Variants in DAB1 observed in about 807,000 individuals in gnomAD.
DAB1 encodes the protein disabled homolog 1.
Under a neutral mutation model 64.6 loss-of-function variants are expected in DAB1, and 15 were observed. That is an observed-to-expected ratio of 0.23 (90% CI 0.16 to 0.36). The LOEUF (loss-of-function observed/expected upper bound fraction) is 0.36, where lower values mean the gene tolerates loss of function less well. Ranked by LOEUF, DAB1 falls within the 10% of genes least tolerant of loss-of-function variation. The pLI, the probability that DAB1 is intolerant of heterozygous loss-of-function variation, is 1.00. For missense variants in DAB1, 596 were observed against 706.7 expected (o/e 0.84, Z 1.78); for synonymous variants, 235 against 251.9 (o/e 0.93, Z 0.64).
In DAB1 at chr1:57,803,995, G is replaced by C. The variant is rs542049555; in HGVS notation, n.551+80004C>G. On this transcript the variant is annotated intron_variant and non_coding_transcript_variant, in intron 6 of 20. Coordinates refer to the DAB1 transcript ENST00000485760. ...GTGATTGTTGTTCTATGTTTCAGCT[G>C]CAAATATATGAGCTGAGTCAAAATG... Among the ~76,000 whole-genome samples the C allele has an allele frequency of 3.9e-5, 6 of 152,322 alleles. No homozygotes were observed. In the South Asian group the frequency reaches 1.2e-3, roughly 32 times the overall value.
At chr1:58,169,089 G>A (rs1282477164) in intron 4 of DAB1, among the ~76,000 whole-genome samples, 2 of 152,190 alleles carry the variant, frequency 1.3e-5, no homozygotes, top group Admixed American at 6.5e-5. Flanking sequence ...TGATCAGCAG[G>A]GTCCAGCAAC....
intron 3 of DAB1, among the ~76,000 whole-genome samples, chr1:58,497,812 G>C (rs1376585031): frequency 3.3e-5 from 5 of 152,086 alleles, no homozygotes; most frequent in Admixed American, 3.3e-4. Context: ...TCTCTACAAC[G>C]TGGCGGCTTT....
intron 11 of DAB1, among the ~76,000 whole-genome samples, chr1:57,018,141 T>C (rs1373953723): frequency 6.6e-6 from 1 of 152,246 alleles, no homozygotes; most frequent in African/African-American, 2.4e-5. Flanking sequence ...TTGATTTTAA[T>C]GCATTTAATT....
At chr1:57,801,991 G>A (rs1245397790) in intron 6 of DAB1, among the ~76,000 whole-genome samples, 4 of 152,174 alleles carry the variant, frequency 2.6e-5, no homozygotes, top group African/African-American at 4.8e-5. Flanking sequence ...CCAGTCACAG[G>A]TAGAGACTAT....
At chr1:57,652,365 A>G (rs1403017781) in intron 6 of DAB1, among the ~76,000 whole-genome samples, 1 of 152,142 alleles carries the variant, frequency 6.6e-6, no homozygotes, top group African/African-American at 2.4e-5. Context: ...CCATTGCTCT[A>G]TCCACTCCCA....
At chr1:57,329,232 C>A (rs753298152) in intron 1 of DAB1, among the ~76,000 whole-genome samples, 1 of 152,118 alleles carries the variant, frequency 6.6e-6, no homozygotes, top group Non-Finnish European at 1.5e-5. Context: ...TAATTAGTGC[C>A]GCAAGAGGAG....
intron 3 of DAB1, among the ~76,000 whole-genome samples, chr1:58,402,931 A>G (rs1644584997): frequency 6.6e-6 from 1 of 152,184 alleles, no homozygotes; most frequent in Admixed American, 6.5e-5. Flanking sequence ...GACAAGCTAC[A>G]AGCTGCCTGG....
intron 4 of DAB1, among the ~76,000 whole-genome samples, chr1:57,074,810 A>G (rs1651833330): frequency 6.6e-6 from 1 of 152,226 alleles, no homozygotes; most frequent in East Asian, 1.9e-4. Flanking sequence ...ATAAGTTGGC[A>G]GAGAAGGACA....
intron 9 of DAB1, among the ~76,000 whole-genome samples, chr1:57,053,854 A>C (rs1041764078): frequency 6.6e-6 from 1 of 150,742 alleles, no homozygotes; most frequent in Non-Finnish European, 1.5e-5. Flanking sequence ...CACCTGGCTA[A>C]TTTTTGTATT....
chr1:58,452,433 T>C (rs1645147935), intron 3 of DAB1, among the ~76,000 whole-genome samples: 2 of 151,636 alleles, frequency 1.3e-5, no homozygotes, highest in Non-Finnish European at 2.9e-5. Context: ...ATGTTCACGA[T>C]GATGTGGGCC....
chr1:57,997,233 G>A (rs959526694), intron 5 of DAB1, among the ~76,000 whole-genome samples: 6 of 152,154 alleles, frequency 3.9e-5, no homozygotes, highest in Admixed American at 3.9e-4. Flanking sequence ...CGACTGGTAA[G>A]GGAAGAAAGC....
chr1:58,476,516 G>A (rs996365624), intron 3 of DAB1, among the ~76,000 whole-genome samples: 3 of 152,148 alleles, frequency 2.0e-5, no homozygotes, highest in African/African-American at 4.8e-5. Context: ...GGCTGGGAGC[G>A]AGCCACTGGC....
intron 7 of DAB1, among the ~76,000 whole-genome samples, chr1:57,502,705 G>A (rs1377492860): frequency 6.6e-6 from 1 of 152,162 alleles, no homozygotes; most frequent in Non-Finnish European, 1.5e-5. Flanking sequence ...TCTGTCTGAT[G>A]GAAATGTAGT....
rs113781314 is a variant in DAB1 at position 57,405,564 on chromosome 1, A to C, written c.-137+18366T>G. 7.0e-4 allele frequency among the ~76,000 whole-genome samples: 107 copies of C among 152,330 alleles called. 1 individual carries two copies. The highest frequency in any genetic ancestry group is 1.4e-3 in the Non-Finnish European group (92 of 68,024). On this transcript the variant is annotated intron_variant, in intron 1 of 14. Transcript: ENST00000371236. The stretch of plus-strand genomic sequence containing the variant: ...TTTTGTTTTACCTAATTTAGTGCCA[A>C]ATTTTTAAACAGAGGGATTTCACAC...
At chr1:57,699,501 C>T (rs1200309618) in intron 6 of DAB1, among the ~76,000 whole-genome samples, 5 of 152,030 alleles carry the variant, frequency 3.3e-5, no homozygotes, top group Admixed American at 2.0e-4. Flanking sequence ...AACTATTCTG[C>T]CCATATATAT....
intron 6 of DAB1, among the ~76,000 whole-genome samples, chr1:57,717,164 C>G: frequency 6.6e-6 from 1 of 151,592 alleles, no homozygotes; most frequent in East Asian, 1.9e-4. Context: ...TACTTGAACC[C>G]GGGAGGCATA....
At chr1:58,293,982 T>C (rs958449890) in intron 4 of DAB1, among the ~76,000 whole-genome samples, 3 of 152,206 alleles carry the variant, frequency 2.0e-5, no homozygotes, top group African/African-American at 4.8e-5. Context: ...GAACCCATCA[T>C]GTTGGTCTCT....
At chr1:57,485,078 A>C (rs1644072554) in intron 7 of DAB1, among the ~76,000 whole-genome samples, 1 of 152,186 alleles carries the variant, frequency 6.6e-6, no homozygotes, top group Admixed American at 6.5e-5. Flanking sequence ...GGAGGATAGC[A>C]GCCAACCTCA....
upstream of DAB1, among the ~76,000 whole-genome samples, chr1:57,426,876 T>TATATATATATATATA (rs1383757354): frequency 4.4e-4 from 60 of 135,044 alleles, no homozygotes; most frequent in African/African-American, 1.0e-3. Flanking sequence ...ATATATATAT[T>TATATATATATATATA]TTTTTGAGAC....
Sources: allele counts gnomAD v4.1 joint callset (sites outside exome capture counted in the v4.1 genomes callset), GRCh38; gene constraint gnomAD v4.1.1; transcripts MANE v1.5; gene names NCBI Gene and HGNC (gene_info 2026-07-23, HGNC 2026-07-21).